Variants in GRID2 observed in about 807,000 individuals in gnomAD.
The protein encoded by GRID2 is glutamate ionotropic receptor delta type subunit 2.
In GRID2, 33 loss-of-function variants were observed where a neutral mutation model predicts 114.8. The ratio of observed to expected loss-of-function variants is 0.29; its 90% confidence interval spans 0.22 to 0.38. GRID2 has a LOEUF of 0.38. Ranked by LOEUF, GRID2 falls within the 10% of genes least tolerant of loss-of-function variation. The pLI is 1.00. For synonymous variants in GRID2, 505 were observed against 449.9 expected, an observed-to-expected ratio of 1.12 and a Z score of -1.55; for missense variants, 1,184 against 1,257.7, an observed-to-expected ratio of 0.94 and a Z score of 0.89.
chr4:92,854,776 G>A (rs1744062112), intron 2 of GRID2, among the ~76,000 whole-genome samples: 1 of 151,886 alleles, frequency 6.6e-6, no homozygotes, highest in Non-Finnish European at 1.5e-5. Flanking sequence ...TATTATTAAT[G>A]TAAATAATAA....
rs1466310258 is a variant in GRID2 at position 92,317,006 on chromosome 4, TGAA to T, written c.88+12264_88+12266del. ...GTAATTCTCATGCAAGCTTAAGTAA[TGAA>T]GGAGGAGGCGTTAAGATGTGGTTAT... On this transcript the variant is annotated intron_variant, in intron 1 of 15. Coordinates refer to ENST00000282020, the MANE Select transcript of GRID2 (RefSeq NM_001510.4). Among the ~76,000 whole-genome samples the T allele has an allele frequency of 5.3e-5, 8 of 152,322 alleles. No homozygotes were observed. The East Asian group carries it at 1.4e-3, about 26-fold the overall frequency.
At chr4:93,796,439 A>G (rs951154833) in intron 1 of GRID2, among the ~76,000 whole-genome samples, 1 of 152,170 alleles carries the variant, frequency 6.6e-6, no homozygotes, top group Non-Finnish European at 1.5e-5. Flanking sequence ...GCAGAGGGGA[A>G]TCTATGTAGA....
At chr4:92,356,616 A>G (rs1222273707) in intron 1 of GRID2, among the ~76,000 whole-genome samples, 1 of 151,782 alleles carries the variant, frequency 6.6e-6, no homozygotes, top group African/African-American at 2.4e-5. Context: ...TACCGCATGT[A>G]TCTATATATG....
At chr4:93,747,768 A>G (rs1043869657) in intron 14 of GRID2, among the ~76,000 whole-genome samples, 2 of 152,148 alleles carry the variant, frequency 1.3e-5, no homozygotes, top group Non-Finnish European at 2.9e-5. Context: ...TTGATTTGAC[A>G]GAAAAATCAA....
chr4:92,742,320 G>T lies in GRID2; in HGVS notation c.244+152034G>T, dbSNP rs116845438. ...ATTAAAACATTATATTCTACATAAT[G>T]CTCATTTCTCTGGACTATAGTTAAC... On this transcript the variant is annotated intron_variant, in intron 2 of 15. Coordinates refer to ENST00000282020, the MANE Select transcript of GRID2 (RefSeq NM_001510.4). Among the ~76,000 whole-genome samples the T allele has an allele frequency of 1.6e-4, 25 of 151,976 alleles. No homozygotes were observed. In the East Asian group the frequency reaches 4.6e-3, roughly 28 times the overall value.
chr4:92,776,654 G>A (rs1160887063), intron 2 of GRID2, among the ~76,000 whole-genome samples: 2 of 151,988 alleles, frequency 1.3e-5, no homozygotes, highest in Admixed American at 1.3e-4. Flanking sequence ...GGAAACATTA[G>A]CATCTTGTGT....
chr4:93,477,841 A>G (rs1359456320), intron 11 of GRID2, among the ~76,000 whole-genome samples: 1 of 152,130 alleles, frequency 6.6e-6, no homozygotes, highest in African/African-American at 2.4e-5. Context: ...GAATTTACAG[A>G]AAGGGTTTCT....
chr4:92,722,574 G>A (rs1182002993), intron 2 of GRID2, among the ~76,000 whole-genome samples: 3 of 152,054 alleles, frequency 2.0e-5, no homozygotes, highest in Non-Finnish European at 2.9e-5. Flanking sequence ...TTAACTAAGT[G>A]TGGCCCAGTT....
intron 2 of GRID2, among the ~76,000 whole-genome samples, chr4:92,937,357 A>C (rs1183502998): frequency 6.8e-6 from 1 of 146,618 alleles, no homozygotes; most frequent in African/African-American, 2.4e-5. Flanking sequence ...TTATAAGTTA[A>C]TTATTTATAT....
intron 2 of GRID2, among the ~76,000 whole-genome samples, chr4:92,768,227 T>C (rs565159289): frequency 6.6e-6 from 1 of 152,346 alleles, no homozygotes; most frequent in African/African-American, 2.4e-5. Flanking sequence ...TATTGTTATA[T>C]GTGTGTTCCT....
chr4:92,966,595 G>C (rs1312924414), intron 2 of GRID2, among the ~76,000 whole-genome samples: 1 of 151,838 alleles, frequency 6.6e-6, no homozygotes, highest in Non-Finnish European at 1.5e-5. Flanking sequence ...TGTTCTCATG[G>C]TGGTGAATAA....
chr4:92,646,012 C>G (rs752421383), intron 2 of GRID2, among the ~76,000 whole-genome samples: 4 of 151,710 alleles, frequency 2.6e-5, no homozygotes, highest in Non-Finnish European at 5.9e-5. Context: ...AGGATGACAA[C>G]TGAAAAAGAA....
At chr4:92,539,240 A>G (rs544134823) in intron 1 of GRID2, among the ~76,000 whole-genome samples, 7 of 152,264 alleles carry the variant, frequency 4.6e-5, no homozygotes, top group South Asian at 4.1e-4. Context: ...TGTGTACTCT[A>G]TTTGTTTCTA....
At chr4:93,657,856 A>G (rs1723155466) in intron 14 of GRID2, among the ~76,000 whole-genome samples, 1 of 152,228 alleles carries the variant, frequency 6.6e-6, no homozygotes, top group South Asian at 2.1e-4. Context: ...AATTTCTTGT[A>G]GAACCCAATA....
chr4:92,411,624 CAT>C (rs1491190043), intron 1 of GRID2, among the ~76,000 whole-genome samples: 5,661 of 81,892 alleles, frequency 0.069, 270 homozygotes, highest in South Asian at 0.13. Context: ...GATATATATG[CAT>C]GTGTGTGTGT....
intron 5 of GRID2, among the ~76,000 whole-genome samples, chr4:93,210,751 T>C (rs1041232603): frequency 2.0e-5 from 3 of 151,986 alleles, no homozygotes; most frequent in South Asian, 2.1e-4. Flanking sequence ...TTGATAATTA[T>C]CTTTATGGTT....
intron 2 of GRID2, among the ~76,000 whole-genome samples, chr4:93,057,379 T>C (rs1727356382): frequency 6.6e-6 from 1 of 151,876 alleles, no homozygotes; most frequent in African/African-American, 2.4e-5. Context: ...GCATGTATTA[T>C]TTAGAAGAAA....
At chr4:92,658,717 A>T (rs143990922) in intron 2 of GRID2, among the ~76,000 whole-genome samples, 1 of 151,132 alleles carries the variant, frequency 6.6e-6, no homozygotes, top group Non-Finnish European at 1.5e-5. Context: ...ATGCTTACTC[A>T]TTTACACCAT....
intron 8 of GRID2, among the ~76,000 whole-genome samples, chr4:93,255,821 A>G (rs1040280711): frequency 1.3e-5 from 2 of 152,058 alleles, no homozygotes; most frequent in Non-Finnish European, 2.9e-5. Flanking sequence ...AGCTAAATAG[A>G]CCTTTATTCC....
Sources: gnomAD v4.1 joint callset for allele counts (sites outside exome capture counted in the v4.1 genomes callset) on GRCh38, gnomAD v4.1.1 for gene constraint, MANE v1.5 for transcripts, NCBI Gene and HGNC (gene_info 2026-07-23, HGNC 2026-07-21) for gene names.